CFAP299: variants seen among roughly 807,000 people sequenced by gnomAD.
The protein encoded by CFAP299 is cilia- and flagella-associated protein 299.
CFAP299 carries 21 observed loss-of-function variants against 27.0 expected under a neutral mutation model. The ratio of observed to expected loss-of-function variants is 0.78; its 90% CI spans 0.55 to 1.12. The LOEUF (loss-of-function observed/expected upper bound fraction) is 1.12, where lower values mean the gene tolerates loss of function less well. CFAP299 is among the 50% of genes most tolerant of loss of function. The pLI is 0.00. For synonymous variants in CFAP299, 104 were observed against 98.1 expected, an observed-to-expected ratio of 1.06 and a Z score of -0.36; for missense variants, 310 against 276.6, an observed-to-expected ratio of 1.12 and a Z score of -0.86.
intron 2 of CFAP299, among the ~76,000 whole-genome samples, chr4:80,424,371 A>G (rs908611460): frequency 1.3e-5 from 2 of 152,150 alleles, no homozygotes; most frequent in Non-Finnish European, 2.9e-5. Flanking sequence ...AAAAGGAATT[A>G]TTGTTTACAT....
At position 80,664,985 on chromosome 4, in the gene CFAP299, T is replaced by C. The variant is rs554160470; in HGVS notation, c.333+81802T>C. Among the ~76,000 whole-genome samples, 83 of 152,060 alleles carry C rather than the reference T, an allele frequency of 5.5e-4. 1 individual carries two copies. Among genetic ancestry groups the C allele is most frequent in the African/African-American group, 1.8e-3 (76 of 41,480 alleles). On this transcript the variant is annotated intron_variant, in intron 3 of 5. Transcript: ENST00000358105. ...AGCTTCCTTTGGCTAGGGGAGGGAG[T>C]TCTCTGACCCCTTGCACTTCCCGGG...
At chr4:80,321,301 T>G in the CFAP299 span, among the ~76,000 whole-genome samples, 1 of 152,234 alleles carries the variant, frequency 6.6e-6, no homozygotes, top group African/African-American at 2.4e-5. Flanking sequence ...CAAATGTATC[T>G]TTGATGATCC....
intron 3 of CFAP299, among the ~76,000 whole-genome samples, chr4:80,863,547 C>A (rs1025362994): frequency 6.6e-6 from 1 of 152,074 alleles, no homozygotes; most frequent in Admixed American, 6.6e-5. Flanking sequence ...ATTCTACATG[C>A]CCCTTGGTGT....
In CFAP299 at chr4:80,847,932, G is replaced by T. The variant is rs191597175; in HGVS notation, c.334-22061G>T. Among the ~76,000 whole-genome samples the T allele has an allele frequency of 2.9e-3, 435 of 152,236 alleles. 3 individuals carry two copies. Among genetic ancestry groups the T allele is most frequent in the African/African-American group, 0.01 (417 of 41,548 alleles). On this transcript the variant is annotated intron_variant, in intron 3 of 5. Coordinates refer to ENST00000358105, the MANE Select transcript of CFAP299 (RefSeq NM_152770.3). ...ATATTAAGGATACAAAGTTAAGACT[G>T]GGCATGGTGGCTCATGCCTGCAATA...
chr4:80,340,789 T>A (rs541015882), intron 1 of CFAP299, among the ~76,000 whole-genome samples: 37 of 152,072 alleles, frequency 2.4e-4, no homozygotes, highest in Middle Eastern at 3.4e-3. Context: ...TTTTATTATT[T>A]TTTTTTTTGG....
At chr4:80,832,495 TAA>T in intron 3 of CFAP299, among the ~76,000 whole-genome samples, 1 of 152,258 alleles carries the variant, frequency 6.6e-6, no homozygotes, top group East Asian at 1.9e-4. Context: ...AAAAATGTGA[TAA>T]AGACTGGAGC....
At chr4:80,835,726 T>G (rs1239685191) in intron 3 of CFAP299, among the ~76,000 whole-genome samples, 1 of 152,160 alleles carries the variant, frequency 6.6e-6, no homozygotes, top group Admixed American at 6.5e-5. Context: ...TAAACACATG[T>G]GTGGACCTGC....
chr4:80,606,193 C>T (rs140965388), intron 3 of CFAP299, among the ~76,000 whole-genome samples: 3 of 152,304 alleles, frequency 2.0e-5, no homozygotes, highest in Non-Finnish European at 2.9e-5. Context: ...CCAAGAGTCT[C>T]TTATAAGTCT....
At chr4:80,773,501 C>A (rs184411414) in intron 3 of CFAP299, among the ~76,000 whole-genome samples, 4 of 152,150 alleles carry the variant, frequency 2.6e-5, no homozygotes, top group Admixed American at 1.3e-4. Context: ...AAGGGAAAAA[C>A]CCATCTGATG....
At chr4:80,399,065 A>G (rs9684634) in intron 2 of CFAP299, among the ~76,000 whole-genome samples, 8,786 of 152,306 alleles carry the variant, frequency 0.058, 325 homozygotes, top group South Asian at 0.17. Context: ...GAAGACATTT[A>G]TGTAGCCAGC....
At chr4:80,837,616 C>G (rs964091507) in intron 3 of CFAP299, among the ~76,000 whole-genome samples, 1 of 152,164 alleles carries the variant, frequency 6.6e-6, no homozygotes. Context: ...GACATGAACT[C>G]ATTCTTTTTT....
At chr4:80,728,921 T>C (rs867649571) in intron 3 of CFAP299, among the ~76,000 whole-genome samples, 1 of 152,176 alleles carries the variant, frequency 6.6e-6, no homozygotes, top group Non-Finnish European at 1.5e-5. Flanking sequence ...ACCAATGATA[T>C]CATCAGTTTT....
intron 3 of CFAP299, among the ~76,000 whole-genome samples, chr4:80,766,124 ATC>A (rs1392844429): frequency 1.3e-5 from 2 of 152,164 alleles, no homozygotes; most frequent in Non-Finnish European, 2.9e-5. Context: ...ATCTAGACAC[ATC>A]TTAGTGAAAA....
chr4:80,849,384 T>C (rs200961019), intron 3 of CFAP299, among the ~76,000 whole-genome samples: 2 of 152,222 alleles, frequency 1.3e-5, no homozygotes, highest in East Asian at 3.9e-4. Context: ...AAAACTGTTA[T>C]GAGAGCTCAG....
rs190920768 is a variant in CFAP299 at position 80,783,664 on chromosome 4, A to C, written c.334-86329A>C. ...TGCAAAAGACTTTTTCAAAGTGCTT[A>C]TACATATATTATGGCATTTTGAACA... On this transcript the variant is annotated intron_variant, in intron 3 of 5. Coordinates refer to ENST00000358105, the MANE Select transcript of CFAP299 (RefSeq NM_152770.3). Among the ~76,000 whole-genome samples, 3 of 152,312 alleles carry C rather than the reference A, an allele frequency of 2.0e-5. No homozygotes were observed. In the South Asian group the frequency reaches 6.2e-4, roughly 32 times the overall value.
At chr4:80,913,584 G>A (rs1436395741) in intron 4 of CFAP299, among the ~76,000 whole-genome samples, 2 of 152,090 alleles carry the variant, frequency 1.3e-5, no homozygotes, top group Admixed American at 6.6e-5. Flanking sequence ...CAACTTCCTC[G>A]TTAGGCAAGA....
intron 2 of CFAP299, among the ~76,000 whole-genome samples, chr4:80,424,682 A>G (rs976597448): frequency 2.6e-5 from 4 of 152,212 alleles, no homozygotes; most frequent in Admixed American, 2.6e-4. Flanking sequence ...ATATAACAAT[A>G]AAGAACATGA....
At chr4:80,331,250 G>C (rs182939827), upstream of CFAP299, among the ~76,000 whole-genome samples, 1 of 152,308 alleles carries the variant, frequency 6.6e-6, no homozygotes, top group Non-Finnish European at 1.5e-5. Flanking sequence ...AACGTGTGCA[G>C]TAGAGGGTAT....
chr4:80,719,769 C>T (rs1051801395), intron 3 of CFAP299, among the ~76,000 whole-genome samples: 7 of 152,138 alleles, frequency 4.6e-5, no homozygotes, highest in Admixed American at 2.0e-4. Context: ...TCTTGTCCAG[C>T]TCACCATCTT....
Sources: gnomAD v4.1 joint callset for allele counts (sites outside exome capture counted in the v4.1 genomes callset) on GRCh38, gnomAD v4.1.1 for gene constraint, MANE v1.5 for transcripts, NCBI Gene and HGNC (gene_info 2026-07-23, HGNC 2026-07-21) for gene names.